The following EYA2 variants were observed in gnomAD, a reference collection of about 807,000 sequenced individuals.
EYA2 encodes the protein protein phosphatase EYA2.
A neutral mutation model predicts 69.2 loss-of-function variants in EYA2; 31 were observed. That is an observed-to-expected ratio of 0.45 (90% confidence interval 0.34 to 0.60). EYA2 has a LOEUF of 0.60. Ranked by LOEUF, EYA2 falls within the 20% of genes least tolerant of loss-of-function variation. The pLI is 0.02. For synonymous variants in EYA2, 257 were observed against 279.4 expected, an observed-to-expected ratio of 0.92 and a Z score of 0.80; for missense variants, 622 against 701.2, an observed-to-expected ratio of 0.89 and a Z score of 1.28.
chr20:47,015,009 C>T lies in EYA2; in HGVS notation c.299-1172C>T, dbSNP rs181326994. 3.3e-5 allele frequency among the ~76,000 whole-genome samples: 5 copies of T among 152,066 alleles called. No homozygotes were observed. The East Asian group carries it at 9.7e-4, about 29-fold the overall frequency. On this transcript the variant is annotated intron_variant, in intron 4 of 15. Transcript: ENST00000327619. ...AAAAGAAAAAGAAGAAAATGAAGAACAGAATTTATAGAATACTCCTGTTTA... is the reference window on the plus strand; with the variant it reads ...AAAAGAAAAAGAAGAAAATGAAGAATAGAATTTATAGAATACTCCTGTTTA...
intron 7 of EYA2, among the ~76,000 whole-genome samples, chr20:47,087,593 G>A (rs1418765984): frequency 2.6e-5 from 4 of 152,220 alleles, no homozygotes; most frequent in Admixed American, 6.5e-5. Context: ...ACATCTGTGC[G>A]TAAGCAGCAA....
chr20:47,179,893 C>T lies in EYA2; in HGVS notation c.1294C>T (p.Leu432=). 1 of 1,614,032 alleles carries T rather than the reference C, an allele frequency of 6.2e-7. No homozygotes were observed. The highest frequency in any genetic ancestry group is 1.1e-5 in the South Asian group (1 of 91,082). ...CTGGCTGACCCACTCCCTGAAGGCA[C>T]TAAACCTCATCAACTCCCGGCAAGT... The part of the protein sequence containing the change: ...DLWLTHSLKA[L]NLINSRPNCV... Residue 432 remains leucine, a synonymous_variant, in exon 13 of 16, where the codon CTA becomes TTA. Coordinates refer to ENST00000327619, the MANE Select transcript of EYA2 (RefSeq NM_005244.5).
intron 2 of EYA2, 147 bp from the exon 3 acceptor site, chr20:47,001,281 C>A (rs543099280): frequency 2.8e-6 from 2 of 708,720 alleles, no homozygotes; most frequent in East Asian, 2.5e-5. Context: ...TGAGATGTGG[C>A]GCCTCAGATA....
intron 1 of EYA2, among the ~76,000 whole-genome samples, chr20:46,958,738 T>C (rs1979292967): frequency 6.6e-6 from 1 of 152,192 alleles, no homozygotes. Context: ...TCCCCCTCTG[T>C]GTGTCCATGT....
intron 9 of EYA2, among the ~76,000 whole-genome samples, chr20:47,122,078 C>T (rs1568791555): frequency 6.6e-6 from 1 of 152,106 alleles, no homozygotes; most frequent in Non-Finnish European, 1.5e-5. Context: ...TTTGAAAAAT[C>T]AGAAGATCTG....
At chr20:47,148,532 A>G (rs2033755182) in intron 10 of EYA2, among the ~76,000 whole-genome samples, 1 of 152,260 alleles carries the variant, frequency 6.6e-6, no homozygotes, top group Non-Finnish European at 1.5e-5. Context: ...TTATAAAAGT[A>G]TAGGCAACAG....
At chr20:47,054,325 C>T (rs547604104) in intron 5 of EYA2, among the ~76,000 whole-genome samples, 4 of 152,248 alleles carry the variant, frequency 2.6e-5, no homozygotes, top group South Asian at 4.1e-4. Context: ...GAATGAATGA[C>T]GCTAAGGAAA....
intron 1 of EYA2, chr20:46,978,174 A>G (rs1436301497): frequency 6.2e-6 from 1 of 161,722 alleles, no homozygotes; most frequent in Non-Finnish European, 1.4e-5. Flanking sequence ...CCCTGGAGCC[A>G]ATCACTGTAG....
At chr20:47,125,103 G>T (rs1459187421) in intron 9 of EYA2, among the ~76,000 whole-genome samples, 2 of 146,200 alleles carry the variant, frequency 1.4e-5, no homozygotes, top group Non-Finnish European at 3.0e-5. Context: ...GCCCAGGCTG[G>T]AGTGCAGTGG....
At chr20:46,898,195 C>T (rs4643594) in intron 1 of EYA2, among the ~76,000 whole-genome samples, 1,628 of 149,580 alleles carry the variant, frequency 0.011, 31 homozygotes, top group African/African-American at 0.038. Context: ...GCTGGACTTT[C>T]TGACTAAGAC....
At chr20:47,131,892 C>T (rs1483666221) in intron 9 of EYA2, among the ~76,000 whole-genome samples, 1 of 152,174 alleles carries the variant, frequency 6.6e-6, no homozygotes, top group African/African-American at 2.4e-5. Context: ...GGTGACTTCC[C>T]ATTTATGGTG....
chr20:47,100,942 AT>A (rs751854748), intron 9 of EYA2, among the ~76,000 whole-genome samples: 12 of 152,190 alleles, frequency 7.9e-5, no homozygotes, highest in Non-Finnish European at 1.8e-4. Flanking sequence ...ATTCCCTGCC[AT>A]TTTTTGGAGT....
chr20:46,897,855 C>A (rs1020002130), intron 1 of EYA2, among the ~76,000 whole-genome samples: 1 of 152,026 alleles, frequency 6.6e-6, no homozygotes, highest in Non-Finnish European at 1.5e-5. Flanking sequence ...GCTGGGCAGG[C>A]CTCCTTCATA....
intron 1 of EYA2, among the ~76,000 whole-genome samples, chr20:46,909,376 A>C (rs4810573): frequency 0.38 from 58,152 of 151,764 alleles, 11,483 homozygotes; most frequent in East Asian, 0.54. Flanking sequence ...CAGTAAGGAA[A>C]GCTCCAGGAG....
At chr20:47,003,466 T>C (rs1018388570) in intron 3 of EYA2, among the ~76,000 whole-genome samples, 1 of 152,210 alleles carries the variant, frequency 6.6e-6, no homozygotes, top group Admixed American at 6.5e-5. Flanking sequence ...CAAATCCAGC[T>C]GATAGCACCA....
chr20:47,038,464 C>T (rs1247063746), intron 5 of EYA2, among the ~76,000 whole-genome samples: 1 of 152,182 alleles, frequency 6.6e-6, no homozygotes, highest in African/African-American at 2.4e-5. Context: ...GCACTCCAGC[C>T]TGGGTGATAG....
intron 10 of EYA2, among the ~76,000 whole-genome samples, chr20:47,154,534 C>A (rs546400202): frequency 7.4e-4 from 113 of 152,110 alleles, no homozygotes; most frequent in African/African-American, 2.7e-3. Context: ...CTCCAGAGAC[C>A]CTGCCCTTAC....
chr20:46,928,102 C>G lies in EYA2; in HGVS notation c.-11+33115C>G, dbSNP rs527526997. ...TTATTCTCACTTTACAAGTGAGGAA[C>G]AGAGACATAAAGGGTAAATGTCTTG... On this transcript the variant is annotated intron_variant, in intron 1 of 15. Transcript: ENST00000327619. 3.3e-5 allele frequency among the ~76,000 whole-genome samples: 5 copies of G among 152,308 alleles called. No individual in the cohort carries two copies. In the South Asian group the frequency reaches 1.0e-3, roughly 32 times the overall value.
chr20:47,051,863 A>G (rs878131), intron 5 of EYA2, among the ~76,000 whole-genome samples: 109,250 of 152,108 alleles, frequency 0.72, 39,428 homozygotes, highest in African/African-American at 0.75. Flanking sequence ...CCTTTTTGGC[A>G]GAGGATAAGC....
Sources: allele counts gnomAD v4.1 joint callset (sites outside exome capture counted in the v4.1 genomes callset), GRCh38; gene constraint gnomAD v4.1.1; transcripts MANE v1.5; gene names NCBI Gene and HGNC (gene_info 2026-07-23, HGNC 2026-07-21).